The following NEXMIF variants were observed in gnomAD, a reference collection of about 807,000 sequenced individuals.
NEXMIF encodes the protein XLMR protein related to neurite extension.
A neutral mutation model predicts 62.1 loss-of-function variants in NEXMIF; 8 were observed. The observed-to-expected ratio is 0.13, with a 90% CI of 0.08 to 0.23. The LOEUF (loss-of-function observed/expected upper bound fraction) is 0.23. Ranked by LOEUF, NEXMIF falls within the 10% of genes least tolerant of loss-of-function variation. NEXMIF has a pLI of 1.00. For synonymous variants in NEXMIF, 404 were observed against 416.6 expected (o/e 0.97, Z 0.37); for missense variants, 976 against 1,113.3 (o/e 0.88, Z 1.75).
At chrX:74,849,000 G>C (rs1322315153) in intron 1 of NEXMIF, among the ~76,000 whole-genome samples, 1 of 111,899 alleles carries the variant, frequency 8.9e-6, no homozygotes, top group Non-Finnish European at 1.9e-5. Flanking sequence ...ATAAATTTCT[G>C]TTGTTTCTAA....
intron 1 of NEXMIF, among the ~76,000 whole-genome samples, chrX:74,892,095 G>A (rs1350732853): frequency 1.8e-5 from 2 of 112,048 alleles, no homozygotes; most frequent in African/African-American, 6.5e-5. Flanking sequence ...CGTTGACTTG[G>A]CCACAGGCAA....
At chrX:74,796,263 AT>A (rs367927383) in intron 1 of NEXMIF, among the ~76,000 whole-genome samples, 11 of 18,219 alleles carry the variant, frequency 6.0e-4, no homozygotes, top group Non-Finnish European at 1.3e-3. Flanking sequence ...TATTATATAT[AT>A]TATATATATA....
intron 1 of NEXMIF, among the ~76,000 whole-genome samples, chrX:74,919,387 C>A (rs994014173): frequency 9.0e-6 from 1 of 111,199 alleles, no homozygotes; most frequent in Non-Finnish European, 1.9e-5. Flanking sequence ...GCTCATTATA[C>A]CCTCAAGTTT....
In NEXMIF at chrX:74,736,335, G is replaced by A; in HGVS notation, c.*3070C>T. The stretch of plus-strand genomic sequence containing the variant: ...GCAGGTGGGATATGAGACCATAAAA[G>A]AAAAATTCTAAGACCAAGGTCTGAG... On this transcript the variant is annotated 3_prime_UTR_variant, in exon 4 of 4. Coordinates refer to ENST00000055682, the MANE Select transcript of NEXMIF (RefSeq NM_001008537.3). The A allele has an allele frequency of 9.0e-6, 1 of 110,940 alleles. No homozygotes were observed. Among genetic ancestry groups the A allele is most frequent in the Non-Finnish European group, 1.9e-5 (1 of 52,967 alleles). The allele number at this position is 110,940 out of a possible 1,213,427, so 9.1% of individuals were successfully genotyped here.
intron 1 of NEXMIF, among the ~76,000 whole-genome samples, chrX:74,780,951 T>C (rs1284697014): frequency 9.0e-6 from 1 of 111,329 alleles, no homozygotes; most frequent in Non-Finnish European, 1.9e-5. Flanking sequence ...AGCTGTGTGA[T>C]AGGTACTGTC....
At chrX:74,835,994 T>C (rs765987183) in intron 1 of NEXMIF, among the ~76,000 whole-genome samples, 1 of 112,608 alleles carries the variant, frequency 8.9e-6, no homozygotes, top group East Asian at 2.8e-4. Flanking sequence ...AACCATGACA[T>C]GCAGTCTTTC....
intron 1 of NEXMIF, among the ~76,000 whole-genome samples, chrX:74,892,004 C>A (rs943414874): frequency 1.8e-5 from 2 of 112,259 alleles, no homozygotes; most frequent in South Asian, 7.4e-4. Flanking sequence ...CTGGCATTTA[C>A]AAGGAGACAT....
intron 1 of NEXMIF, among the ~76,000 whole-genome samples, chrX:74,825,828 C>A (rs2080414597): frequency 8.9e-6 from 1 of 112,494 alleles, no homozygotes; most frequent in African/African-American, 3.2e-5. Flanking sequence ...GCTGGGATTA[C>A]AGGTGTGAGC....
At chrX:74,879,356 T>C (rs1343052270) in intron 1 of NEXMIF, among the ~76,000 whole-genome samples, 1 of 110,128 alleles carries the variant, frequency 9.1e-6, no homozygotes, top group Non-Finnish European at 1.9e-5. Flanking sequence ...CCAAGTAGGA[T>C]AGATTCAAAG....
intron 1 of NEXMIF, among the ~76,000 whole-genome samples, chrX:74,779,848 C>G (rs2080240696): frequency 8.9e-6 from 1 of 111,856 alleles, no homozygotes; most frequent in East Asian, 2.8e-4. Flanking sequence ...CATCTACCAC[C>G]ATACCCTGCC....
intron 1 of NEXMIF, among the ~76,000 whole-genome samples, chrX:74,807,661 C>T (rs1261087350): frequency 1.8e-5 from 2 of 111,640 alleles, no homozygotes; most frequent in Non-Finnish European, 3.8e-5. Flanking sequence ...TGGGGTTTCA[C>T]CATGTTGGCC....
intron 1 of NEXMIF, among the ~76,000 whole-genome samples, chrX:74,912,264 C>T (rs1219873829): frequency 3.6e-5 from 4 of 111,382 alleles, no homozygotes; most frequent in Admixed American, 2.9e-4. Context: ...CACCAAGATG[C>T]CAAAGAAACC....
At position 74,917,674 on chromosome X, in the gene NEXMIF, C is replaced by T. The variant is rs182296992; in HGVS notation, c.-48+7209G>A. 4.5e-5 allele frequency among the ~76,000 whole-genome samples: 5 copies of T among 111,867 alleles called. No homozygotes were observed. In the East Asian group the frequency reaches 1.4e-3, roughly 31 times the overall value. On this transcript the variant is annotated intron_variant, in intron 1 of 3. Coordinates refer to ENST00000055682, the MANE Select transcript of NEXMIF (RefSeq NM_001008537.3). ...ACACCATCTCCCTCTCTGACTCCAT[C>T]ACCATACCTAATGATTGGTGCTAGA... is the stretch of plus-strand genomic sequence containing the variant.
At chrX:74,752,591 T>G (rs2080147661) in intron 1 of NEXMIF, among the ~76,000 whole-genome samples, 1 of 111,718 alleles carries the variant, frequency 9.0e-6, no homozygotes, top group Admixed American at 9.6e-5. Flanking sequence ...ACAAATGCAC[T>G]GTATATATTA....
chrX:74,781,739 A>AGCCTTAGG, intron 1 of NEXMIF, among the ~76,000 whole-genome samples: 7 of 93,143 alleles, frequency 7.5e-5, no homozygotes, highest in Admixed American at 1.2e-4. Context: ...TGTATGTGAA[A>AGCCTTAGG]TTTATACTAA....
intron 1 of NEXMIF, among the ~76,000 whole-genome samples, chrX:74,824,798 G>A (rs1432719075): frequency 2.7e-5 from 3 of 109,960 alleles, no homozygotes; most frequent in Admixed American, 1.9e-4. Context: ...ACAGGCACCC[G>A]CCACCACGCC....
intron 1 of NEXMIF, among the ~76,000 whole-genome samples, chrX:74,758,723 C>T (rs990680300): frequency 1.8e-5 from 2 of 111,740 alleles, no homozygotes; most frequent in Non-Finnish European, 3.8e-5. Flanking sequence ...GTCCATGTCC[C>T]TGCGAAGGAC....
intron 1 of NEXMIF, among the ~76,000 whole-genome samples, chrX:74,892,838 G>A (rs1031198526): frequency 8.9e-6 from 1 of 112,106 alleles, no homozygotes; most frequent in African/African-American, 3.2e-5. Flanking sequence ...ACCACAGGGG[G>A]AATGGAACGT....
intron 1 of NEXMIF, among the ~76,000 whole-genome samples, chrX:74,885,361 G>C (rs1172950616): frequency 1.8e-5 from 2 of 111,392 alleles, no homozygotes; most frequent in Admixed American, 1.9e-4. Context: ...CCCTGGAGCT[G>C]GTTTTTTGAA....
Sources: allele counts gnomAD v4.1 joint callset (sites outside exome capture counted in the v4.1 genomes callset), GRCh38; gene constraint gnomAD v4.1.1; transcripts MANE v1.5; gene names NCBI Gene and HGNC (gene_info 2026-07-23, HGNC 2026-07-21).